PIP5K1C: variants seen among roughly 807,000 people sequenced by gnomAD.
The protein encoded by PIP5K1C is phosphatidylinositol-4-phosphate 5-kinase type 1 gamma.
Under a neutral mutation model 80.1 loss-of-function variants are expected in PIP5K1C, and 45 were observed. The ratio of observed to expected loss-of-function variants is 0.56; its 90% CI spans 0.44 to 0.72. PIP5K1C has a LOEUF of 0.72. PIP5K1C is among the 30% of genes least tolerant of loss of function. The probability of loss-of-function intolerance (pLI) is 0.00; values close to 1 mark genes in which losing one functional copy is unlikely to be tolerated. For synonymous variants in PIP5K1C, 498 were observed against 420.1 expected (o/e 1.19, Z -2.27); for missense variants, 753 against 954.6 (o/e 0.79, Z 2.78).
At chr19:3,685,032 T>C (rs2035711019) in intron 1 of PIP5K1C, among the ~76,000 whole-genome samples, 3 of 152,234 alleles carry the variant, frequency 2.0e-5, no homozygotes, top group South Asian at 4.1e-4. Flanking sequence ...TTTATAGAAA[T>C]GAGGCTTTTC....
In PIP5K1C at chr19:3,631,680, A is replaced by T. The variant is rs2145353869; in HGVS notation, c.*1487T>A. ...CCTCGGGGATGGGTCCGGCTTCTCCACAGCAGGGGCCTTCCGGGCGCAGCG... is the reference window on the plus strand; with the variant it reads ...CCTCGGGGATGGGTCCGGCTTCTCCTCAGCAGGGGCCTTCCGGGCGCAGCG... On this transcript the variant is annotated 3_prime_UTR_variant, in exon 18 of 18. Coordinates refer to ENST00000335312, the MANE Select transcript of PIP5K1C (RefSeq NM_012398.3). The T allele has an allele frequency of 6.6e-6, 1 of 152,512 alleles. No individual in the cohort carries two copies. Among genetic ancestry groups the T allele is most frequent in the South Asian group, 2.1e-4 (1 of 4,836 alleles). The allele number at this position is 152,512 out of a possible 1,614,324, so 9.4% of individuals were successfully genotyped here. A position where few individuals can be genotyped will look rare whatever the true frequency, so the allele number is the denominator to read the frequency against.
chr19:3,665,054 T>TC (rs1002259612), intron 2 of PIP5K1C, 140 bp from the exon 3 acceptor site: 1 of 744,956 alleles, frequency 1.3e-6, no homozygotes, highest in African/African-American at 1.7e-5. Context: ...TCCAGGCGAC[T>TC]CCGGGGTGCA....
intron 1 of PIP5K1C, 66 bp downstream of exon 1, chr19:3,700,231 A>G (rs1253670725): frequency 4.3e-6 from 4 of 931,146 alleles, no homozygotes; most frequent in Non-Finnish European, 2.7e-6. Context: ...CCGGCCCCGC[A>G]GCCCCGCGAC....
intron 1 of PIP5K1C, among the ~76,000 whole-genome samples, chr19:3,678,590 G>T (rs1276766950): frequency 7.7e-6 from 1 of 129,946 alleles, no homozygotes; most frequent in African/African-American, 3.0e-5. Context: ...AGGGATAAAG[G>T]GATGGAGGGA....
chr19:3,679,099 C>A (rs951809554), intron 1 of PIP5K1C, among the ~76,000 whole-genome samples: 1 of 152,024 alleles, frequency 6.6e-6, no homozygotes, highest in Admixed American at 6.5e-5. Context: ...AACTTTTCAG[C>A]ACTTTTGAAA....
intron 1 of PIP5K1C, among the ~76,000 whole-genome samples, chr19:3,678,206 T>G: frequency 1.4e-5 from 1 of 71,076 alleles, no homozygotes; most frequent in Non-Finnish European, 2.7e-5. Context: ...GATGAAGGGA[T>G]GGAGAGATGG....
At chr19:3,677,193 G>T (rs950753369) in intron 1 of PIP5K1C, among the ~76,000 whole-genome samples, 24 of 152,202 alleles carry the variant, frequency 1.6e-4, no homozygotes, top group African/African-American at 5.8e-4. Context: ...ACAAGACCAG[G>T]GGTGTGGCTG....
intron 7 of PIP5K1C, among the ~76,000 whole-genome samples, 163 bp from the exon 8 acceptor site, chr19:3,652,194 A>G (rs1382625711): frequency 2.0e-5 from 3 of 152,194 alleles, no homozygotes; most frequent in Non-Finnish European, 4.4e-5. Context: ...TGTTATCCTG[A>G]GGAACAGAGG....
rs1380946954 is a variant in PIP5K1C at position 3,632,946 on chromosome 19, T to A, written c.*221A>T. On this transcript the variant is annotated 3_prime_UTR_variant, in exon 18 of 18. Coordinates refer to ENST00000335312, the MANE Select transcript of PIP5K1C (RefSeq NM_012398.3). Reference sequence around the variant, plus strand: ...AAATGCGATTGGCCGCTCGGGAGGGTGGGTCTCACAGGGGCAGGCTGCCGA... The same window carrying A: ...AAATGCGATTGGCCGCTCGGGAGGGAGGGTCTCACAGGGGCAGGCTGCCGA... 1 of 524,178 alleles carries A rather than the reference T, an allele frequency of 1.9e-6. No homozygotes were observed. Among genetic ancestry groups the A allele is most frequent in the African/African-American group, 2.0e-5 (1 of 49,444 alleles). 32.5% of individuals were successfully genotyped at this position (524,178 alleles called of 1,614,324 possible). A position where few individuals can be genotyped will look rare whatever the true frequency, so the allele number is the denominator to read the frequency against.
intron 1 of PIP5K1C, among the ~76,000 whole-genome samples, chr19:3,699,073 G>A (rs576471916): frequency 2.4e-4 from 36 of 151,604 alleles, no homozygotes; most frequent in African/African-American, 7.5e-4. Context: ...TTTGGTCAGC[G>A]AGTCCTGGGC....
chr19:3,689,904 C>A (rs1005074628), intron 1 of PIP5K1C, among the ~76,000 whole-genome samples: 1 of 152,088 alleles, frequency 6.6e-6, no homozygotes, highest in Non-Finnish European at 1.5e-5. Context: ...GATCTCTGTG[C>A]GGGCTGTACA....
intron 1 of PIP5K1C, among the ~76,000 whole-genome samples, chr19:3,685,490 G>T (rs573298566): frequency 7.2e-5 from 11 of 152,190 alleles, no homozygotes; most frequent in Non-Finnish European, 1.6e-4. Flanking sequence ...CAGCACTTTG[G>T]GAGGCCGAGG....
chr19:3,686,049 C>T (rs561436358), intron 1 of PIP5K1C, among the ~76,000 whole-genome samples: 48 of 151,940 alleles, frequency 3.2e-4, no homozygotes, highest in Middle Eastern at 3.4e-3. Flanking sequence ...ACGGGGGTCT[C>T]GCGTTGTTGC....
intron 1 of PIP5K1C, among the ~76,000 whole-genome samples, chr19:3,676,563 C>T (rs1289932409): frequency 1.1e-4 from 17 of 152,222 alleles, no homozygotes; most frequent in Non-Finnish European, 1.6e-4. Context: ...GCCCACTCCC[C>T]GACGGCGCGT....
chr19:3,663,118 G>A (rs375024978), intron 3 of PIP5K1C, among the ~76,000 whole-genome samples: 15 of 152,250 alleles, frequency 9.9e-5, no homozygotes, highest in East Asian at 5.8e-4. Flanking sequence ...CTCCCGCCTC[G>A]GCCTCCCAAA....
chr19:3,676,172 T>C (rs2035351583), intron 1 of PIP5K1C, among the ~76,000 whole-genome samples: 2 of 152,102 alleles, frequency 1.3e-5, no homozygotes, highest in Admixed American at 1.3e-4. Context: ...CTCTAACCCA[T>C]ACAGGCCTGG....
At chr19:3,690,482 TAAA>T (rs370234161) in intron 1 of PIP5K1C, among the ~76,000 whole-genome samples, 5 of 137,086 alleles carry the variant, frequency 3.6e-5, no homozygotes, top group African/African-American at 2.7e-5. Context: ...GACCCTGTCT[TAAA>T]AAAAAAAAAA....
chr19:3,677,732 GA>G (rs796493935), intron 1 of PIP5K1C, among the ~76,000 whole-genome samples: 134 of 112,276 alleles, frequency 1.2e-3, no homozygotes, highest in African/African-American at 4.4e-3. Flanking sequence ...TGGAGGGATG[GA>G]AGGATGGTGG....
chr19:3,644,551 C>T (rs1373539059), intron 11 of PIP5K1C, among the ~76,000 whole-genome samples: 1 of 152,204 alleles, frequency 6.6e-6, no homozygotes. Flanking sequence ...AATGAGCTGG[C>T]CAGGGATGCC....
Sources: gnomAD v4.1 joint callset for allele counts (sites outside exome capture counted in the v4.1 genomes callset) on GRCh38, gnomAD v4.1.1 for gene constraint, MANE v1.5 for transcripts, NCBI Gene and HGNC (gene_info 2026-07-23, HGNC 2026-07-21) for gene names.